The following LTBP1 variants were observed in gnomAD, a reference collection of about 807,000 sequenced individuals.
LTBP1 encodes the protein latent transforming growth factor beta binding protein 1.
A neutral mutation model predicts 207.6 loss-of-function variants in LTBP1; 129 were observed. The observed-to-expected ratio is 0.62, with a 90% CI of 0.54 to 0.72. LTBP1 has a LOEUF of 0.72. Among genes scored for constraint, LTBP1 ranks in the 30% least tolerant of loss-of-function variants. The pLI is 0.00. For missense variants in LTBP1, 2,281 were observed against 2,217.2 expected (o/e 1.03, Z -0.58); for synonymous variants, 963 against 833.7 (o/e 1.16, Z -2.67).
In LTBP1 at chr2:33,027,342, A is replaced by G. The variant is rs78563768; in HGVS notation, c.863+6136A>G. On this transcript the variant is annotated intron_variant, in intron 3 of 33. Transcript: ENST00000404816. ...AACATATCTCTTATCCCACATAGTT[A>G]CCATTTTTGGTTTGTGGTGAGAATG... Among the ~76,000 whole-genome samples, 528 of 152,306 alleles carry G rather than the reference A, an allele frequency of 3.5e-3. 1 individual carries two copies. Among genetic ancestry groups the G allele is most frequent in the Non-Finnish European group, 5.0e-3 (341 of 68,024 alleles).
chr2:33,032,997 A>G (rs1048663402), intron 3 of LTBP1, among the ~76,000 whole-genome samples: 18 of 152,204 alleles, frequency 1.2e-4, no homozygotes, highest in African/African-American at 3.9e-4. Context: ...TTTATGTTCA[A>G]ATAATTTAGG....
intron 22 of LTBP1, among the ~76,000 whole-genome samples, chr2:33,308,551 T>C (rs1430631734): frequency 6.6e-6 from 1 of 152,198 alleles, no homozygotes; most frequent in African/African-American, 2.4e-5. Flanking sequence ...CACAAAAGTT[T>C]TATTTTAAAC....
At chr2:33,191,876 A>C (rs950248861) in intron 7 of LTBP1, among the ~76,000 whole-genome samples, 1 of 152,230 alleles carries the variant, frequency 6.6e-6, no homozygotes, top group Admixed American at 6.5e-5. Context: ...TATACAAAAT[A>C]AATTTGGCAG....
intron 3 of LTBP1, among the ~76,000 whole-genome samples, chr2:33,074,731 A>G (rs1377833429): frequency 1.3e-5 from 2 of 152,180 alleles, no homozygotes; most frequent in African/African-American, 2.4e-5. Context: ...TTAGCCAGGC[A>G]TGGTGGCAGT....
At chr2:32,959,666 G>T (rs529095175) in intron 2 of LTBP1, among the ~76,000 whole-genome samples, 8 of 123,026 alleles carry the variant, frequency 6.5e-5, no homozygotes, top group Non-Finnish European at 1.3e-4. Flanking sequence ...TGTCGCCCAG[G>T]CTCTAGTGCA....
At chr2:33,261,140 C>T (rs547715855) in intron 13 of LTBP1, among the ~76,000 whole-genome samples, 12 of 152,290 alleles carry the variant, frequency 7.9e-5, no homozygotes, top group African/African-American at 2.6e-4. Context: ...GAGTACCAAA[C>T]TGCCATTGTA....
intron 22 of LTBP1, among the ~76,000 whole-genome samples, chr2:33,309,119 C>T (rs1172476858): frequency 2.0e-5 from 3 of 151,742 alleles, no homozygotes; most frequent in Non-Finnish European, 1.5e-5. Context: ...CCCATCTCTA[C>T]TAAAAATACA....
At chr2:33,072,977 A>G (rs188639247) in intron 3 of LTBP1, among the ~76,000 whole-genome samples, 63 of 152,318 alleles carry the variant, frequency 4.1e-4, no homozygotes, top group African/African-American at 2.2e-4. Context: ...ATTAGCACCA[A>G]TGACACCCCT....
chr2:33,072,261 C>T (rs1257261854), intron 3 of LTBP1, among the ~76,000 whole-genome samples: 1 of 152,194 alleles, frequency 6.6e-6, no homozygotes, highest in Non-Finnish European at 1.5e-5. Flanking sequence ...CGCAGATCTT[C>T]CATGTCCTCC....
chr2:33,108,570 A>G (rs991727254), intron 3 of LTBP1, among the ~76,000 whole-genome samples: 1 of 152,162 alleles, frequency 6.6e-6, no homozygotes, highest in South Asian at 2.1e-4. Flanking sequence ...ACAAGAGACA[A>G]CCTCAAGTAG....
chr2:33,346,342 A>G (rs2094700728), intron 25 of LTBP1, among the ~76,000 whole-genome samples: 1 of 152,174 alleles, frequency 6.6e-6, no homozygotes, highest in African/African-American at 2.4e-5. Context: ...AGTGAACTTA[A>G]TTCTGTGGTT....
intron 22 of LTBP1, among the ~76,000 whole-genome samples, chr2:33,303,442 C>A (rs796774234): frequency 3.3e-5 from 5 of 151,754 alleles, no homozygotes; most frequent in Admixed American, 3.3e-4. Flanking sequence ...CTTCGCCTCC[C>A]AGGTTCACAC....
At position 33,398,658 on chromosome 2, in the gene LTBP1, C is replaced by A; in HGVS notation, c.*113C>A. ...CCCCGGAAGGCTGGAAATACAGAAA[C>A]AGCATGGAATTGCAAGTCCTCTGAA... On this transcript the variant is annotated 3_prime_UTR_variant, in exon 34 of 34. Coordinates refer to ENST00000404816, the MANE Select transcript of LTBP1 (RefSeq NM_206943.4). 9.6e-7 allele frequency: 1 copy of A among 1,046,848 alleles called. No individual in the cohort carries two copies. Among genetic ancestry groups the A allele is most frequent in the African/African-American group, 1.6e-5 (1 of 62,826 alleles). The allele number at this position is 1,046,848 out of a possible 1,614,324, so 64.8% of individuals were successfully genotyped here. A position where few individuals can be genotyped will look rare whatever the true frequency, so the allele number is the denominator to read the frequency against.
chr2:33,293,264 G>T lies in LTBP1; in HGVS notation c.3217G>T (p.Asp1073Tyr). 1.2e-6 allele frequency: 2 copies of T among 1,613,490 alleles called. No individual in the cohort carries two copies. Among genetic ancestry groups the T allele is most frequent in the Middle Eastern group, 1.7e-4 (1 of 6,060 alleles). ...SCHKGYTRTPDHKHCRDIDEC... is the reference protein window; with the variant it reads ...SCHKGYTRTPYHKHCRDIDEC... ...CCACAAAGGCTATACCCGGACTCCG[G>T]ACCACAAGCACTGTAGAGGTAAATA... Residue 1073 changes from aspartate (D) to tyrosine (Y), a missense_variant, in exon 20 of 34, where the codon GAC becomes TAC. Coordinates refer to ENST00000404816, the MANE Select transcript of LTBP1 (RefSeq NM_206943.4).
At chr2:33,007,221 T>C (rs1268179364) in intron 2 of LTBP1, among the ~76,000 whole-genome samples, 2 of 152,100 alleles carry the variant, frequency 1.3e-5, no homozygotes, top group Admixed American at 1.3e-4. Flanking sequence ...CCTCAAGTGA[T>C]CCGCCCGCCT....
At chr2:33,311,248 A>T (rs1383211275) in intron 23 of LTBP1, among the ~76,000 whole-genome samples, 1 of 152,170 alleles carries the variant, frequency 6.6e-6, no homozygotes, top group Non-Finnish European at 1.5e-5. Context: ...TGATCCAAAG[A>T]TTTAAATATA....
intron 7 of LTBP1, among the ~76,000 whole-genome samples, chr2:33,212,098 T>C (rs2090353874): frequency 6.6e-6 from 1 of 152,228 alleles, no homozygotes; most frequent in African/African-American, 2.4e-5. Flanking sequence ...GTTGTAAATG[T>C]AGTAACATGG....
rs1377330436 is a variant in LTBP1 at position 33,398,615 on chromosome 2, C to T, written c.*70C>T. On this transcript the variant is annotated 3_prime_UTR_variant, in exon 34 of 34. Coordinates refer to ENST00000404816, the MANE Select transcript of LTBP1 (RefSeq NM_206943.4). The stretch of plus-strand genomic sequence containing the variant: ...AAGGAAAAGGGAGAAATGTATTATA[C>T]TTGAGACATTGCACCTACCCCGGAA... 9.9e-6 allele frequency: 14 copies of T among 1,413,866 alleles called. No homozygotes were observed. In the Admixed American group the frequency reaches 1.3e-4, roughly 13 times the overall value. The allele number at this position is 1,413,866 out of a possible 1,614,324, so 87.6% of individuals were successfully genotyped here.
intron 4 of LTBP1, among the ~76,000 whole-genome samples, chr2:33,122,192 G>T (rs1426661435): frequency 6.6e-6 from 1 of 152,072 alleles, no homozygotes; most frequent in African/African-American, 2.4e-5. Context: ...GAGGAATTGC[G>T]TATTTCCTCT....
Sources: allele counts gnomAD v4.1 joint callset (sites outside exome capture counted in the v4.1 genomes callset), GRCh38; gene constraint gnomAD v4.1.1; transcripts MANE v1.5; gene names NCBI Gene and HGNC (gene_info 2026-07-23, HGNC 2026-07-21).